The following HMGXB4 variants were observed in gnomAD, a reference collection of about 807,000 sequenced individuals.
HMGXB4 encodes the protein HMG-box containing 4.
In HMGXB4, 27 loss-of-function variants were observed where a neutral mutation model predicts 63.9. That is an observed-to-expected ratio of 0.42 (90% CI 0.31 to 0.58). The LOEUF is 0.58. HMGXB4 is among the 20% of genes least tolerant of loss of function. The pLI, the probability that HMGXB4 is intolerant of heterozygous loss-of-function variation, is 0.13. For missense variants in HMGXB4, 624 were observed against 700.7 expected (o/e 0.89, Z 1.24); for synonymous variants, 264 against 265.3 (o/e 0.99, Z 0.05).
chr22:35,264,115 C>T lies in HMGXB4; in HGVS notation c.259+241C>T, dbSNP rs941261432. On this transcript the variant is annotated intron_variant, in intron 4 of 10. Coordinates refer to ENST00000216106, the MANE Select transcript of HMGXB4 (RefSeq NM_001003681.3). ...ACACCAGGTACCAGGTTCCTTCTCC[C>T]CCCAATCATCCACTTATCTTGTGCC... The T allele has an allele frequency of 6.4e-6, 9 of 1,416,844 alleles. No individual in the cohort carries two copies. In the African/African-American group the frequency reaches 9.9e-5, roughly 16 times the overall value. The allele number at this position is 1,416,844 out of a possible 1,614,324, so 87.8% of individuals were successfully genotyped here. A position where few individuals can be genotyped will look rare whatever the true frequency, so the allele number is the denominator to read the frequency against.
At position 35,285,284 on chromosome 22, in the gene HMGXB4, C is replaced by T. The variant is rs572460739; in HGVS notation, c.1298-713C>T. 2.0e-5 allele frequency among the ~76,000 whole-genome samples: 3 copies of T among 152,316 alleles called. No individual in the cohort carries two copies. In the East Asian group the frequency reaches 5.8e-4, roughly 29 times the overall value. ...AAATAGCTGGGCGTGGTGGCTCACG[C>T]CTGTAATCCCAACACTTTGGGAGGC... On this transcript the variant is annotated intron_variant, in intron 6 of 10. Coordinates refer to ENST00000216106, the MANE Select transcript of HMGXB4 (RefSeq NM_001003681.3).
intron 5 of HMGXB4, among the ~76,000 whole-genome samples, chr22:35,279,487 T>C (rs1215655585): frequency 6.6e-6 from 1 of 152,110 alleles, no homozygotes; most frequent in Non-Finnish European, 1.5e-5. Flanking sequence ...TTAATTTTAA[T>C]GAACCCCAGT....
intron 1 of HMGXB4, among the ~76,000 whole-genome samples, 184 bp downstream of exon 1, chr22:35,257,741 G>T (rs946393535): frequency 2.0e-5 from 3 of 152,194 alleles, no homozygotes; most frequent in Admixed American, 1.3e-4. Flanking sequence ...CCGCCCCCAG[G>T]AAGGGGCTGG....
chr22:35,253,876 CTT>C (rs1422562942), upstream of HMGXB4, among the ~76,000 whole-genome samples: 3 of 152,106 alleles, frequency 2.0e-5, no homozygotes, highest in Non-Finnish European at 4.4e-5. Flanking sequence ...CTACTGGTCT[CTT>C]TATTTTTTTA....
the HMGXB4 span, chr22:35,249,812 C>T: frequency 2.1e-5 from 2 of 96,000 alleles, 1 homozygote. Flanking sequence ...GCAGGTTTTC[C>T]GGTCTTCACC....
At chr22:35,249,359 C>A in the HMGXB4 span, among the ~76,000 whole-genome samples, 3 of 99,710 alleles carry the variant, frequency 3.0e-5, 1 homozygote, top group Admixed American at 3.2e-4. Flanking sequence ...TGCACCTGGC[C>A]TTTAATTTTC....
intron 1 of HMGXB4, among the ~76,000 whole-genome samples, chr22:35,261,422 C>G (rs562147000): frequency 8.5e-5 from 11 of 129,386 alleles, no homozygotes; most frequent in Non-Finnish European, 1.3e-4. Flanking sequence ...GGCAACAGAG[C>G]AAGACTCTAT....
chr22:35,255,348 C>G (rs995975037), upstream of HMGXB4, among the ~76,000 whole-genome samples: 2 of 151,988 alleles, frequency 1.3e-5, no homozygotes, highest in Admixed American at 6.5e-5. Context: ...AAACCCATCT[C>G]TACAAAAAAT....
At chr22:35,261,784 A>T (rs931859566) in intron 1 of HMGXB4, 23 of 152,286 alleles carry the variant, frequency 1.5e-4, no homozygotes, top group African/African-American at 4.1e-4. Context: ...CCCCCAAAAA[A>T]TGCAAAAGAC....
chr22:35,254,728 T>C (rs1601617528), upstream of HMGXB4, among the ~76,000 whole-genome samples: 1 of 152,252 alleles, frequency 6.6e-6, no homozygotes, highest in Non-Finnish European at 1.5e-5. Context: ...TGCCACATGC[T>C]GTGTTTTCAA....
rs746743674 is a variant in HMGXB4, at chr22:35,265,353, CAAA to C, written c.966_968del (p.Lys324del). ...CGAGAAATCAAGAAGAAAAAGAAGT[CAAA>C]GAAGAGCAAAAAGAAGAAAGACAAG... is the stretch of plus-strand genomic sequence containing the variant. On this transcript the variant is annotated inframe_deletion, in exon 5 of 11. Coordinates refer to ENST00000216106, the MANE Select transcript of HMGXB4 (RefSeq NM_001003681.3). 2.0e-5 allele frequency: 32 copies of C among 1,613,038 alleles called. No individual in the cohort carries two copies. The Admixed American group carries it at 5.3e-4, about 27-fold the overall frequency.
At chr22:35,254,786 C>T (rs1922320479), upstream of HMGXB4, among the ~76,000 whole-genome samples, 1 of 152,172 alleles carries the variant, frequency 6.6e-6, no homozygotes, top group Admixed American at 6.5e-5. Flanking sequence ...AGACTGGGAG[C>T]AAGTTAATAG....
In HMGXB4 at chr22:35,295,723, G is replaced by C. The variant is rs1255147338; in HGVS notation, c.*2072G>C. ...TTTTGTTTTTTAAATAAATTCTAGT[G>C]GTTTGATCCAAATCCCATTACAGTT... is the stretch of plus-strand genomic sequence containing the variant. On this transcript the variant is annotated 3_prime_UTR_variant, in exon 11 of 11. Coordinates refer to ENST00000216106, the MANE Select transcript of HMGXB4 (RefSeq NM_001003681.3). 1 of 152,274 alleles carries C rather than the reference G, an allele frequency of 6.6e-6. No individual in the cohort carries two copies. Among genetic ancestry groups the C allele is most frequent in the Non-Finnish European group, 1.5e-5 (1 of 67,940 alleles). The allele number at this position is 152,274 out of a possible 1,614,324, so 9.4% of individuals were successfully genotyped here.
At chr22:35,267,997 T>C (rs892790923) in intron 5 of HMGXB4, among the ~76,000 whole-genome samples, 7 of 152,178 alleles carry the variant, frequency 4.6e-5, no homozygotes, top group African/African-American at 1.7e-4. Context: ...GGCAGGAGAA[T>C]CGCTTGAGCC....
rs952493870 is a variant in HMGXB4, at chr22:35,291,144, T to C, written c.1639-1848T>C. 2.6e-5 allele frequency among the ~76,000 whole-genome samples: 4 copies of C among 152,236 alleles called. No homozygotes were observed. In the South Asian group the frequency reaches 8.3e-4, roughly 32 times the overall value. ...CAGTTGTGGTGGTGCACACCTGTAA[T>C]CCTAGCTACTTGTGGGGCTAAGGCA... On this transcript the variant is annotated intron_variant, in intron 9 of 10. Transcript: ENST00000216106.
the HMGXB4 span, among the ~76,000 whole-genome samples, chr22:35,246,370 G>A: frequency 6.6e-6 from 1 of 152,094 alleles, no homozygotes; most frequent in Non-Finnish European, 1.5e-5. Context: ...CGCCTCCCGG[G>A]TTCACACCAT....
intron 4 of HMGXB4, chr22:35,264,114 C>T: frequency 7.0e-7 from 1 of 1,436,648 alleles, no homozygotes; most frequent in Non-Finnish European, 9.5e-7. Context: ...GTTCCTTCTC[C>T]CCCCAATCAT....
At chr22:35,290,630 CAAAAAAAAAAA>C (rs767279436) in intron 9 of HMGXB4, among the ~76,000 whole-genome samples, 2 of 52,854 alleles carry the variant, frequency 3.8e-5, no homozygotes, top group East Asian at 4.8e-4. Context: ...GACTCCGCCT[CAAAAAAAAAAA>C]AAAAAAAAAA....
intron 5 of HMGXB4, 45 bp downstream of exon 5, chr22:35,265,648 T>G (rs781713491): frequency 1.2e-5 from 18 of 1,474,954 alleles, no homozygotes; most frequent in Non-Finnish European, 1.5e-5. Flanking sequence ...ATTAAGCAGG[T>G]TCTTCCTGGG....
Sources: allele counts gnomAD v4.1 joint callset (sites outside exome capture counted in the v4.1 genomes callset), GRCh38; gene constraint gnomAD v4.1.1; transcripts MANE v1.5; gene names NCBI Gene and HGNC (gene_info 2026-07-23, HGNC 2026-07-21).